FSIP2: variants seen among roughly 807,000 people sequenced by gnomAD.
FSIP2 encodes fibrous sheath interacting protein 2.
In FSIP2, 367 loss-of-function variants were observed where a neutral mutation model predicts 510.5. That is an observed-to-expected ratio of 0.72 (90% CI 0.66 to 0.78). The LOEUF is 0.78. Ranked by LOEUF, FSIP2 falls within the 30% of genes least tolerant of loss-of-function variation. FSIP2 has a pLI of 0.00. For synonymous variants in FSIP2, 2,601 were observed against 2,732.2 expected (o/e 0.95, Z 1.50); for missense variants, 7,594 against 7,901.7 (o/e 0.96, Z 1.48).
intron 13 of FSIP2, among the ~76,000 whole-genome samples, chr2:185,767,339 TA>T (rs1395503806): frequency 6.6e-6 from 1 of 151,194 alleles, no homozygotes; most frequent in African/African-American, 2.4e-5. Flanking sequence ...AATAAAAAAA[TA>T]AAAAATAAAA....
At position 185,803,007 on chromosome 2, in the gene FSIP2, C is replaced by A. The variant is rs960588801; in HGVS notation, c.13701C>A (p.Ser4567Arg). The A allele has an allele frequency of 1.3e-6, 2 of 1,530,206 alleles. No individual in the cohort carries two copies. Among genetic ancestry groups the A allele is most frequent in the African/African-American group, 2.8e-5 (2 of 72,646 alleles). The allele number at this position is 1,530,206 out of a possible 1,614,324, so 94.8% of individuals were successfully genotyped here. A position where few individuals can be genotyped will look rare whatever the true frequency, so the allele number is the denominator to read the frequency against. The change falls in exon 17 of 23, where the codon AGC (serine) becomes AGA (arginine). Residue 4567 changes from serine to arginine, a missense_variant. Transcript: ENST00000424728. ...AATCAGCTGTGCAAAATATCACAAG[C>A]AGTAATGACATTCTTATAGATAGAA... ...SQESAVQNIT[S>R]SNDILIDRIA...
intron 9 of FSIP2, among the ~76,000 whole-genome samples, chr2:185,758,496 G>A (rs750881571): frequency 3.3e-4 from 50 of 151,342 alleles, no homozygotes; most frequent in Non-Finnish European, 6.2e-4. Flanking sequence ...CTATAGAAAA[G>A]AAAATGTTAT....
In FSIP2 at chr2:185,799,789, A is replaced by G. The variant is rs917332766; in HGVS notation, c.10483A>G (p.Ile3495Val). The G allele has an allele frequency of 2.6e-6, 4 of 1,528,702 alleles. No homozygotes were observed. Among genetic ancestry groups the G allele is most frequent in the Non-Finnish European group, 3.5e-6 (4 of 1,142,798 alleles). 94.7% of individuals were successfully genotyped at this position (1,528,702 alleles called of 1,614,324 possible). Residue 3495 changes from isoleucine to valine, a missense_variant, in exon 17 of 23, where the codon ATT (isoleucine) becomes GTT (valine). Transcript: ENST00000424728. ...AAGAAACATATACGATGATTCTTCA[A>G]TTTATCAATGTTGTGAACATCTCAC... The part of the protein sequence containing the change: ...FLRNIYDDSS[I>V]YQCCEHLTES...
rs1177878051 is a variant in FSIP2 at position 185,813,874 on chromosome 2, T to C, written c.20157T>C (p.Cys6719=). The part of the protein sequence containing the change: ...LKKFLSLSKC[C]QTTASANIES... ...AATTTTTGTCACTAAGTAAATGTTG[T>C]CAGACCACAGCCAGTGCAAATATTG... Residue 6719 remains cysteine, a synonymous_variant, in exon 18 of 23, where the codon TGT becomes TGC. Transcript: ENST00000424728. 2 of 1,613,620 alleles carry C rather than the reference T, an allele frequency of 1.2e-6. No individual in the cohort carries two copies. The highest frequency in any genetic ancestry group is 4.5e-5 in the East Asian group (2 of 44,816).
rs138211869 is a variant in FSIP2, at chr2:185,824,568, G to T, written c.20473+88G>T. 3.6e-4 allele frequency: 281 copies of T among 777,528 alleles called. No homozygotes were observed. In the African/African-American group the frequency reaches 4.5e-3, roughly 13 times the overall value. The allele number at this position is 777,528 out of a possible 1,614,324, so 48.2% of individuals were successfully genotyped here. A position where few individuals can be genotyped will look rare whatever the true frequency, so the allele number is the denominator to read the frequency against. On this transcript the variant is annotated intron_variant, in intron 20 of 22. Coordinates refer to ENST00000424728, the MANE Select transcript of FSIP2 (RefSeq NM_173651.4). ...GTTATCAAACTTGAAGTTAATACAG[G>T]TTTTATGTTTTCTATGAGTTTATCT...
intron 2 of FSIP2, 87 bp downstream of exon 2, chr2:185,739,558 AG>A: frequency 8.3e-7 from 1 of 1,202,154 alleles, no homozygotes; most frequent in Non-Finnish European, 1.1e-6. Context: ...AATTCATTAA[AG>A]GAATTTGCAT....
At chr2:185,749,680 A>G (rs541607594) in intron 7 of FSIP2, among the ~76,000 whole-genome samples, 3 of 151,948 alleles carry the variant, frequency 2.0e-5, no homozygotes, top group East Asian at 3.9e-4. Context: ...GCTGAATAGA[A>G]GCAGACATAC....
chr2:185,739,568 A>G, intron 2 of FSIP2, 97 bp downstream of exon 2: 2 of 1,140,220 alleles, frequency 1.8e-6, no homozygotes, highest in Non-Finnish European at 1.2e-6. Context: ...AGGAATTTGC[A>G]TCAACATTTA....
chr2:185,810,790 A>G (rs1164069756), intron 17 of FSIP2, among the ~76,000 whole-genome samples: 1 of 151,878 alleles, frequency 6.6e-6, no homozygotes, highest in Non-Finnish European at 1.5e-5. Flanking sequence ...GATTAAGGAG[A>G]GTTTGGAACT....
At chr2:185,737,324 CGCTGAGG>C (rs1691803080), upstream of FSIP2, among the ~76,000 whole-genome samples, 1 of 151,962 alleles carries the variant, frequency 6.6e-6, no homozygotes. Context: ...ACACACTTTG[CGCTGAGG>C]GCAGTTGGGA....
At chr2:185,778,981 A>T (rs1238180748) in intron 13 of FSIP2, among the ~76,000 whole-genome samples, 1 of 152,018 alleles carries the variant, frequency 6.6e-6, no homozygotes, top group Non-Finnish European at 1.5e-5. Context: ...TATTCCTATC[A>T]TCATGCAGTG....
intron 13 of FSIP2, among the ~76,000 whole-genome samples, chr2:185,767,862 C>T (rs934625737): frequency 2.6e-5 from 4 of 152,040 alleles, no homozygotes; most frequent in Admixed American, 2.6e-4. Flanking sequence ...ATAACGAAAA[C>T]ATATGATTTC....
In FSIP2 at chr2:185,797,383, A is replaced by G; in HGVS notation, c.10247A>G (p.Lys3416Arg). 2.0e-6 allele frequency: 3 copies of G among 1,529,014 alleles called. No homozygotes were observed. The highest frequency in any genetic ancestry group is 2.6e-6 in the Non-Finnish European group (3 of 1,144,800). 94.7% of individuals were successfully genotyped at this position (1,529,014 alleles called of 1,614,324 possible). The change falls in exon 16 of 23, where the codon AAG becomes AGG. Residue 3416 changes from lysine (K) to arginine (R), a missense_variant. Transcript: ENST00000424728. The stretch of plus-strand genomic sequence containing the variant: ...TCTTTTTTGCAAAAATTGAAAAAAA[A>G]GGAGTACCCAAAGATAGAGACTGTG... ...DSSFLQKLKK[K>R]EYPKIETVKE... is the part of the protein sequence containing the mutation.
At chr2:185,771,206 C>A (rs928407691) in intron 13 of FSIP2, among the ~76,000 whole-genome samples, 2 of 152,154 alleles carry the variant, frequency 1.3e-5, no homozygotes, top group African/African-American at 4.8e-5. Context: ...ATGCTGGGAT[C>A]TGGAGTGCAT....
intron 22 of FSIP2, among the ~76,000 whole-genome samples, chr2:185,832,776 A>AT (rs961686719): frequency 6.6e-6 from 1 of 151,874 alleles, no homozygotes; most frequent in African/African-American, 2.4e-5. Flanking sequence ...AATTTATACT[A>AT]TTTTTTAATG....
chr2:185,795,640 G>T lies in FSIP2; in HGVS notation c.8504G>T (p.Gly2835Val). 6.5e-7 allele frequency: 1 copy of T among 1,534,362 alleles called. No homozygotes were observed. The highest frequency in any genetic ancestry group is 1.2e-5 in the South Asian group (1 of 83,892). ...SQLEHIFPRE[G>V]IFKKLFDKWQ... ...CTAGAGCACATTTTTCCTAGAGAAG[G>T]TATATTTAAAAAATTGTTTGACAAG... Residue 2835 changes from glycine (G) to valine (V), a missense_variant, in exon 16 of 23, where the codon GGT becomes GTT. Transcript: ENST00000424728.
intron 17 of FSIP2, 69 bp downstream of exon 17, chr2:185,809,202 T>G: frequency 6.7e-7 from 1 of 1,481,922 alleles, no homozygotes; most frequent in South Asian, 1.5e-5. Context: ...ATTTCCTTCC[T>G]CAAATAAGTA....
Position 185,802,366 on chromosome 2 carries a change from C to A in FSIP2, c.13060C>A (p.Leu4354Ile). 2 of 1,532,658 alleles carry A rather than the reference C, an allele frequency of 1.3e-6. No homozygotes were observed. The highest frequency in any genetic ancestry group is 1.2e-5 in the South Asian group (1 of 83,800). 94.9% of individuals were successfully genotyped at this position (1,532,658 alleles called of 1,614,324 possible). Residue 4354 changes from leucine (L) to isoleucine (I), a missense_variant, in exon 17 of 23, where the codon CTC (leucine) becomes ATC (isoleucine). Physicochemically the swap from Leu to Ile is conservative, Grantham distance 5. Transcript: ENST00000424728. ...RHFNKAKIHI[L>I]YDDKEQAFFS... is the part of the protein sequence containing the mutation. Reference sequence around the variant, plus strand: ...TTTCAATAAAGCTAAAATTCACATTCTCTATGATGACAAAGAACAGGCTTT... The same window carrying A: ...TTTCAATAAAGCTAAAATTCACATTATCTATGATGACAAAGAACAGGCTTT...
At chr2:185,830,961 T>G (rs768860012) in intron 21 of FSIP2, among the ~76,000 whole-genome samples, 21 of 151,944 alleles carry the variant, frequency 1.4e-4, no homozygotes, top group Non-Finnish European at 2.8e-4. Context: ...ATCAGTACTT[T>G]ACATTGTCTC....
Sources: allele counts gnomAD v4.1 joint callset (sites outside exome capture counted in the v4.1 genomes callset), GRCh38; gene constraint gnomAD v4.1.1; transcripts MANE v1.5; gene names NCBI Gene and HGNC (gene_info 2026-07-23, HGNC 2026-07-21).